The following GRHL2 variants were observed in gnomAD, a reference collection of about 807,000 sequenced individuals.
GRHL2 encodes grainyhead-like protein 2 homolog.
A neutral mutation model predicts 83.8 loss-of-function variants in GRHL2; 21 were observed. That is an observed-to-expected ratio of 0.25 (90% CI 0.18 to 0.36). The LOEUF (loss-of-function observed/expected upper bound fraction) is 0.36, where lower values mean the gene tolerates loss of function less well. Ranked by LOEUF, GRHL2 falls within the 10% of genes least tolerant of loss-of-function variation. The pLI, the probability that GRHL2 is intolerant of heterozygous loss-of-function variation, is 1.00. For missense variants in GRHL2, 623 were observed against 781.8 expected (o/e 0.80, Z 2.42); for synonymous variants, 280 against 278.9 (o/e 1.00, Z -0.04).
At chr8:101,675,728 C>A in the GRHL2 span, among the ~76,000 whole-genome samples, 3 of 152,036 alleles carry the variant, frequency 2.0e-5, no homozygotes, top group Non-Finnish European at 2.9e-5. Flanking sequence ...TCATATGGAA[C>A]CAAAAAAGAG....
At chr8:101,552,627 G>T (rs1191497195) in intron 2 of GRHL2, 88 bp from the exon 3 acceptor site, 4 of 1,188,152 alleles carry the variant, frequency 3.4e-6, no homozygotes, top group Non-Finnish European at 3.8e-6. Context: ...ATTCCATTTT[G>T]GTTTCTTTGC....
intron 6 of GRHL2, among the ~76,000 whole-genome samples, chr8:101,576,696 T>C (rs1489252225): frequency 6.6e-6 from 1 of 152,266 alleles, no homozygotes; most frequent in South Asian, 2.1e-4. Flanking sequence ...TAAGTGACGG[T>C]GAATTAATGT....
chr8:101,678,980 CAG>C, the GRHL2 span, among the ~76,000 whole-genome samples: 3 of 136,484 alleles, frequency 2.2e-5, no homozygotes, highest in Non-Finnish European at 3.1e-5. Flanking sequence ...GGGGAAAAAA[CAG>C]AACAGAAAAA....
intron 1 of GRHL2, among the ~76,000 whole-genome samples, chr8:101,526,522 TTCC>T (rs1440665637): frequency 2.2e-5 from 3 of 138,188 alleles, no homozygotes; most frequent in African/African-American, 2.8e-5. Context: ...TTTTCTTTTT[TTCC>T]TTTTTTTTTT....
Position 101,632,380 on chromosome 8 carries a change from CT to C in GRHL2, c.1485+16del. 6.2e-7 allele frequency: 1 copy of C among 1,613,762 alleles called. No homozygotes were observed. The highest frequency in any genetic ancestry group is 2.2e-5 in the East Asian group (1 of 44,872). On this transcript the variant is annotated intron_variant, in intron 11 of 15. Transcript: ENST00000646743. ...GGACCGGACAGGTATGACCTACCAGCTAACGCCCACCTCCCATCCATCCACA... is the reference window on the plus strand; with the variant it reads ...GGACCGGACAGGTATGACCTACCAGCAACGCCCACCTCCCATCCATCCACA...
At chr8:101,604,582 A>G (rs1286825953) in intron 8 of GRHL2, among the ~76,000 whole-genome samples, 1 of 152,082 alleles carries the variant, frequency 6.6e-6, no homozygotes, top group East Asian at 1.9e-4. Context: ...GACTTTCAGG[A>G]ACACTTTTCC....
intron 1 of GRHL2, among the ~76,000 whole-genome samples, chr8:101,537,599 A>C (rs1407412447): frequency 6.6e-6 from 1 of 152,238 alleles, no homozygotes; most frequent in Non-Finnish European, 1.5e-5. Flanking sequence ...AAGCACTTCA[A>C]ATGTAAATAT....
intron 13 of GRHL2, among the ~76,000 whole-genome samples, chr8:101,644,849 ATTT>A (rs1160474484): frequency 2.8e-5 from 4 of 140,680 alleles, no homozygotes. Context: ...CCAGTACTGG[ATTT>A]TTTTTTTTTT....
rs6988211 is a variant in GRHL2, at chr8:101,643,901, G to T, written c.1518-230G>T. 0.021 allele frequency among the ~76,000 whole-genome samples: 3,275 copies of T among 152,328 alleles called. 106 individuals are homozygous for T. The highest frequency in any genetic ancestry group is 0.073 in the African/African-American group (3,018 of 41,562). ...TCTCACCTTTGTGGATCCATATTCC[G>T]CAGTGGGAAGCACGTGTTAAGTCCA... On this transcript the variant is annotated intron_variant, in intron 12 of 15. Coordinates refer to ENST00000646743, the MANE Select transcript of GRHL2 (RefSeq NM_024915.4).
chr8:101,558,327 A>C, intron 3 of GRHL2, 92 bp from the exon 4 acceptor site: 1 of 1,447,666 alleles, frequency 6.9e-7, no homozygotes, highest in South Asian at 1.2e-5. Context: ...ATTAACATCC[A>C]ATGATTATTG....
At chr8:101,535,362 G>C (rs749489849) in intron 1 of GRHL2, among the ~76,000 whole-genome samples, 2 of 152,080 alleles carry the variant, frequency 1.3e-5, no homozygotes, top group Non-Finnish European at 2.9e-5. Context: ...CAAAGACTAA[G>C]CTAGAGAAGA....
chr8:101,586,786 G>T (rs1182032651), intron 7 of GRHL2, among the ~76,000 whole-genome samples: 1 of 152,186 alleles, frequency 6.6e-6, no homozygotes, highest in Admixed American at 6.5e-5. Flanking sequence ...CAGTAAGCAG[G>T]CCTGTGCCTG....
At chr8:101,642,779 A>G (rs1362286573) in intron 12 of GRHL2, among the ~76,000 whole-genome samples, 1 of 152,220 alleles carries the variant, frequency 6.6e-6, no homozygotes, top group East Asian at 1.9e-4. Flanking sequence ...GAATAGCTTT[A>G]TCATGAGGTT....
At chr8:101,671,947 C>T (rs1814218087), downstream of GRHL2, among the ~76,000 whole-genome samples, 13 of 152,154 alleles carry the variant, frequency 8.5e-5, no homozygotes, top group South Asian at 2.7e-3. Context: ...CAAACAGGGT[C>T]TGGAGTGGAC....
intron 1 of GRHL2, among the ~76,000 whole-genome samples, chr8:101,515,041 C>T (rs148616278): frequency 2.7e-4 from 40 of 150,126 alleles, no homozygotes; most frequent in Non-Finnish European, 4.6e-4. Context: ...TTCCTTCCTT[C>T]CATCCTTCCT....
chr8:101,556,576 C>A (rs1811492550), intron 3 of GRHL2, among the ~76,000 whole-genome samples: 1 of 152,166 alleles, frequency 6.6e-6, no homozygotes, highest in Non-Finnish European at 1.5e-5. Flanking sequence ...TCTAGTCTGG[C>A]AAGAATTAAT....
intron 1 of GRHL2, among the ~76,000 whole-genome samples, chr8:101,520,578 G>A (rs1195243449): frequency 6.6e-6 from 1 of 152,078 alleles, no homozygotes; most frequent in Non-Finnish European, 1.5e-5. Context: ...AGAACATCTT[G>A]TGTTTTTAAA....
chr8:101,515,414 G>T (rs1450439737), intron 1 of GRHL2, among the ~76,000 whole-genome samples: 1 of 152,138 alleles, frequency 6.6e-6, no homozygotes, highest in Admixed American at 6.5e-5. Flanking sequence ...TTAAGTCACG[G>T]ATTCTGTCCT....
intron 7 of GRHL2, among the ~76,000 whole-genome samples, chr8:101,596,146 T>TA (rs1677024884): frequency 1.7e-4 from 26 of 150,624 alleles, no homozygotes; most frequent in Admixed American, 1.7e-3. Flanking sequence ...AAAAATAAAA[T>TA]AAATAAATAA....
Sources: gnomAD v4.1 joint callset for allele counts (sites outside exome capture counted in the v4.1 genomes callset) on GRCh38, gnomAD v4.1.1 for gene constraint, MANE v1.5 for transcripts, NCBI Gene and HGNC (gene_info 2026-07-23, HGNC 2026-07-21) for gene names.